Variants in SPOCK3 observed in about 807,000 individuals in gnomAD.
SPOCK3 encodes SPARC (osteonectin), cwcv and kazal like domains proteoglycan 3.
SPOCK3 carries 30 observed loss-of-function variants against 56.6 expected under a neutral mutation model. That is an observed-to-expected ratio of 0.53 (90% CI 0.40 to 0.72). The LOEUF (loss-of-function observed/expected upper bound fraction) is 0.72, where lower values mean the gene tolerates loss of function less well. Among genes scored for constraint, SPOCK3 ranks in the 30% least tolerant of loss-of-function variants. SPOCK3 has a pLI of 0.00. For synonymous variants in SPOCK3, 196 were observed against 183.3 expected (o/e 1.07, Z -0.56); for missense variants, 527 against 530.0 (o/e 0.99, Z 0.06).
At chr4:166,927,828 A>G (rs571633661) in intron 4 of SPOCK3, among the ~76,000 whole-genome samples, 27 of 152,310 alleles carry the variant, frequency 1.8e-4, no homozygotes, top group African/African-American at 2.6e-4. Context: ...TGCCAAAGAC[A>G]TATCTGATAA....
At chr4:167,131,454 T>G (rs1280389275) in intron 2 of SPOCK3, among the ~76,000 whole-genome samples, 1 of 151,874 alleles carries the variant, frequency 6.6e-6, no homozygotes, top group East Asian at 1.9e-4. Context: ...GGGTGTGAAA[T>G]TAGCTGGCTG....
At chr4:166,815,776 TA>T (rs1277160644) in intron 6 of SPOCK3, among the ~76,000 whole-genome samples, 2 of 151,974 alleles carry the variant, frequency 1.3e-5, no homozygotes, top group Non-Finnish European at 2.9e-5. Flanking sequence ...CCTTCTCTCT[TA>T]AATAATAAAT....
At chr4:166,764,186 A>G (rs1737633572) in intron 7 of SPOCK3, among the ~76,000 whole-genome samples, 1 of 151,874 alleles carries the variant, frequency 6.6e-6, no homozygotes, top group South Asian at 2.1e-4. Context: ...ACAGGGGAGA[A>G]AAGATATCCA....
intron 6 of SPOCK3, among the ~76,000 whole-genome samples, chr4:166,840,771 GTTTTT>G (rs70955697): frequency 1.5e-5 from 1 of 68,194 alleles, no homozygotes; most frequent in Non-Finnish European, 2.7e-5. Flanking sequence ...AGAAGCAAAA[GTTTTT>G]TTTTTTTTTT....
At chr4:166,746,615 G>A (rs1007111490) in intron 8 of SPOCK3, among the ~76,000 whole-genome samples, 6 of 151,866 alleles carry the variant, frequency 4.0e-5, no homozygotes, top group Admixed American at 3.9e-4. Flanking sequence ...GCTAGCAGAA[G>A]GCAAGAAATA....
At chr4:166,835,772 G>C (rs1011040659) in intron 6 of SPOCK3, among the ~76,000 whole-genome samples, 1 of 152,124 alleles carries the variant, frequency 6.6e-6, no homozygotes, top group Non-Finnish European at 1.5e-5. Flanking sequence ...AGCCGAGGTG[G>C]GCGGATCACC....
intron 6 of SPOCK3, among the ~76,000 whole-genome samples, chr4:166,853,104 C>A (rs1453833604): frequency 1.3e-5 from 2 of 151,852 alleles, no homozygotes; most frequent in South Asian, 2.1e-4. Flanking sequence ...ATTACAAATT[C>A]TCAAAGGAAA....
rs556569697 is a variant in SPOCK3 at position 166,952,556 on chromosome 4, C to T, written c.351-39813G>A. On this transcript the variant is annotated intron_variant, in intron 4 of 10. Coordinates refer to ENST00000357545, the MANE Select transcript of SPOCK3 (RefSeq NM_001040159.2). ...GCCATCCCCATCAAGCTACAAATGG[C>T]TTTCTTCACAGAATTGGAAAAAACT... Among the ~76,000 whole-genome samples the T allele has an allele frequency of 5.3e-5, 8 of 152,236 alleles. No individual in the cohort carries two copies. The East Asian group carries it at 1.5e-3, about 29-fold the overall frequency.
At chr4:166,887,780 G>A (rs2127003643) in intron 6 of SPOCK3, among the ~76,000 whole-genome samples, 1 of 151,752 alleles carries the variant, frequency 6.6e-6, no homozygotes, top group African/African-American at 2.4e-5. Context: ...CTCGGGTGAT[G>A]GGTGGGCCAG....
intron 2 of SPOCK3, among the ~76,000 whole-genome samples, chr4:167,136,718 C>T (rs1374311505): frequency 6.6e-6 from 1 of 151,912 alleles, no homozygotes; most frequent in Non-Finnish European, 1.5e-5. Flanking sequence ...TTTTAAAATA[C>T]CAGACATGAG....
chr4:167,039,152 A>C lies in SPOCK3; in HGVS notation c.235+23340T>G, dbSNP rs371835828. 1.8e-4 allele frequency among the ~76,000 whole-genome samples: 27 copies of C among 152,148 alleles called. No homozygotes were observed. The East Asian group carries it at 5.0e-3, about 28-fold the overall frequency. ...ATCGTTGGTGTTCCTTGCTTCCCTC[A>C]GTTTAACCCCAATCTCTGCTGCTGT... On this transcript the variant is annotated intron_variant, in intron 3 of 10. Transcript: ENST00000357545.
chr4:166,950,748 G>C (rs1315598945), intron 4 of SPOCK3, among the ~76,000 whole-genome samples: 10 of 149,922 alleles, frequency 6.7e-5, no homozygotes, highest in African/African-American at 7.6e-5. Flanking sequence ...TCAGACCACA[G>C]TGCAATCAAA....
rs543958172 is a variant in SPOCK3 at position 166,754,037 on chromosome 4, T to C, written c.931+471A>G. The C allele has an allele frequency of 1.3e-5, 12 of 894,516 alleles. No homozygotes were observed. In the South Asian group the frequency reaches 5.7e-4, roughly 43 times the overall value. 55.4% of individuals were successfully genotyped at this position (894,516 alleles called of 1,614,324 possible). On this transcript the variant is annotated intron_variant, in intron 8 of 10. Coordinates refer to ENST00000357545, the MANE Select transcript of SPOCK3 (RefSeq NM_001040159.2). ...ATTTTGAAAAGTTTGAAAGACTAAA[T>C]CATTTTAAAATCACATGAGTAAAAA...
At chr4:166,798,984 A>T (rs577460910) in intron 6 of SPOCK3, among the ~76,000 whole-genome samples, 2 of 152,330 alleles carry the variant, frequency 1.3e-5, no homozygotes, top group South Asian at 4.1e-4. Flanking sequence ...TGCCTGAAAG[A>T]ACTTTCATCC....
At chr4:167,087,669 C>T (rs958492701) in intron 2 of SPOCK3, among the ~76,000 whole-genome samples, 2 of 151,938 alleles carry the variant, frequency 1.3e-5, no homozygotes, top group African/African-American at 4.8e-5. Flanking sequence ...CAGTAAATCG[C>T]CTAAAGTTAT....
At chr4:166,744,523 G>C (rs1735310691) in intron 8 of SPOCK3, among the ~76,000 whole-genome samples, 1 of 151,632 alleles carries the variant, frequency 6.6e-6, no homozygotes, top group African/African-American at 2.4e-5. Flanking sequence ...CCAGAAAGAT[G>C]GGAAGAAACC....
intron 2 of SPOCK3, among the ~76,000 whole-genome samples, chr4:167,128,796 C>T (rs563338178): frequency 1.3e-5 from 2 of 152,304 alleles, no homozygotes; most frequent in South Asian, 4.1e-4. Context: ...TTAAAGTCCA[C>T]TCTGCCTGCT....
chr4:166,965,608 A>T (rs1247155833), intron 4 of SPOCK3, among the ~76,000 whole-genome samples: 1 of 149,644 alleles, frequency 6.7e-6, no homozygotes, highest in Non-Finnish European at 1.5e-5. Flanking sequence ...CATTCACTGG[A>T]CTTCTCAGAT....
chr4:166,927,627 A>G (rs1429725759), intron 4 of SPOCK3, among the ~76,000 whole-genome samples: 2 of 152,224 alleles, frequency 1.3e-5, no homozygotes, highest in Non-Finnish European at 2.9e-5. Context: ...TGAGACACCT[A>G]GAATTTAACA....
Sources: gnomAD v4.1 joint callset for allele counts (sites outside exome capture counted in the v4.1 genomes callset) on GRCh38, gnomAD v4.1.1 for gene constraint, MANE v1.5 for transcripts, NCBI Gene and HGNC (gene_info 2026-07-23, HGNC 2026-07-21) for gene names.